NFATC2IP: variants seen among roughly 807,000 people sequenced by gnomAD.
NFATC2IP encodes nuclear factor of activated T cells 2 interacting protein, also known as NFATC2-interacting protein.
In NFATC2IP, 25 loss-of-function variants were observed where a neutral mutation model predicts 40.2. The observed-to-expected ratio is 0.62, with a 90% CI of 0.45 to 0.87. The LOEUF is 0.87. Among genes scored for constraint, NFATC2IP ranks in the 40% least tolerant of loss-of-function variants. The probability of loss-of-function intolerance (pLI) is 0.00; values close to 1 mark genes in which losing one functional copy is unlikely to be tolerated. For missense variants in NFATC2IP, 553 were observed against 555.6 expected, an observed-to-expected ratio of 1.00 and a Z score of 0.05; for synonymous variants, 241 against 236.3, an observed-to-expected ratio of 1.02 and a Z score of -0.18.
chr16:28,952,185 C>T lies in NFATC2IP; in HGVS notation c.441C>T (p.Tyr147=), dbSNP rs1451315553. 3 of 1,613,584 alleles carry T rather than the reference C, an allele frequency of 1.9e-6. No homozygotes were observed. ...IPDDLSLLKL[Y]PPGDEEEAEL... ...ATGATCTATCCCTCCTGAAACTCTACCCTCCAGGGGATGAGGAAGGTAAGG... is the reference window on the plus strand; with the variant it reads ...ATGATCTATCCCTCCTGAAACTCTATCCTCCAGGGGATGAGGAAGGTAAGG... The change falls in exon 2 of 8, where the codon TAC becomes TAT. Residue 147 remains tyrosine, a synonymous_variant. Coordinates refer to ENST00000320805, the MANE Select transcript of NFATC2IP (RefSeq NM_032815.4).
In NFATC2IP at chr16:28,954,622, C is replaced by T; in HGVS notation, c.518C>T (p.Ser173Phe). The T allele has an allele frequency of 1.2e-6, 2 of 1,614,030 alleles. No individual in the cohort carries two copies. Among genetic ancestry groups the T allele is most frequent in the South Asian group, 1.1e-5 (1 of 91,082 alleles). ...CATGAGGGCTCCCCATCACCAGGCT[C>T]TCCCTGGAAGACAAAGCTGAGGACT... is the stretch of plus-strand genomic sequence containing the variant. ...LYHEGSPSPG[S>F]PWKTKLRTKD... The change falls in exon 3 of 8, where the codon TCT becomes TTT. Residue 173 changes from serine (S) to phenylalanine (F), a missense_variant. By Grantham distance (155) the Ser-to-Phe change is radical. Coordinates refer to ENST00000320805, the MANE Select transcript of NFATC2IP (RefSeq NM_032815.4).
At position 28,959,097 on chromosome 16, in the gene NFATC2IP, T is replaced by C. The variant is rs1259062806; in HGVS notation, c.1098T>C (p.Ser366=). 6.3e-7 allele frequency: 1 copy of C among 1,592,940 alleles called. No individual in the cohort carries two copies. The highest frequency in any genetic ancestry group is 8.6e-7 in the Non-Finnish European group (1 of 1,160,834). Residue 366 remains serine (S), a synonymous_variant, in exon 7 of 8, where the codon TCT becomes TCC. Transcript: ENST00000320805. The part of the protein sequence containing the change: ...EKHQTLEVSL[S]RDSPLKTLMS... ...ACCAGACACTGGAAGTCTCACTGTC[T>C]CGAGTGAGTGGGAGAGATGGCTCTC...
In NFATC2IP at chr16:28,965,740, G is replaced by A. The variant is rs1965138599; in HGVS notation, c.*1877G>A. The A allele has an allele frequency of 6.6e-6, 1 of 151,886 alleles. No homozygotes were observed. The highest frequency in any genetic ancestry group is 2.4e-5 in the African/African-American group (1 of 41,380). The allele number at this position is 151,886 out of a possible 1,614,324, so 9.4% of individuals were successfully genotyped here. ...AATTGAAATTTTCTTTGTATCTAGG[G>A]GTATCCGTCACTGAACAGAAATTCT... On this transcript the variant is annotated 3_prime_UTR_variant, in exon 8 of 8. Coordinates refer to ENST00000320805, the MANE Select transcript of NFATC2IP (RefSeq NM_032815.4).
At chr16:28,958,089 T>C (rs1393507221) in intron 5 of NFATC2IP, among the ~76,000 whole-genome samples, 2 of 149,572 alleles carry the variant, frequency 1.3e-5, no homozygotes, top group African/African-American at 2.5e-5. Context: ...GCCAATATGG[T>C]GAAGCCCGCC....
intron 7 of NFATC2IP, among the ~76,000 whole-genome samples, chr16:28,963,028 A>G (rs1965104853): frequency 6.6e-6 from 1 of 152,200 alleles, no homozygotes; most frequent in African/African-American, 2.4e-5. Context: ...CAAAAATACA[A>G]AAACTTAGCT....
chr16:28,964,746 C>G lies in NFATC2IP; in HGVS notation c.*883C>G, dbSNP rs1041290822. 1 of 152,254 alleles carries G rather than the reference C, an allele frequency of 6.6e-6. No homozygotes were observed. The highest frequency in any genetic ancestry group is 2.4e-5 in the African/African-American group (1 of 41,452). 9.4% of individuals were successfully genotyped at this position (152,254 alleles called of 1,614,324 possible). ...CAATAGGTCTTATGCTGTTTTCACTCAATGTGTGCTAAGATCTAGCCCCAT... is the reference window on the plus strand; with the variant it reads ...CAATAGGTCTTATGCTGTTTTCACTGAATGTGTGCTAAGATCTAGCCCCAT... On this transcript the variant is annotated 3_prime_UTR_variant, in exon 8 of 8. Coordinates refer to ENST00000320805, the MANE Select transcript of NFATC2IP (RefSeq NM_032815.4).
chr16:28,963,337 A>G (rs8044999), intron 7 of NFATC2IP, among the ~76,000 whole-genome samples: 22,408 of 151,920 alleles, frequency 0.15, 3,987 homozygotes, highest in African/African-American at 0.4. Flanking sequence ...CTCCAGCTCG[A>G]CTCATCCTCA....
rs1216350854 is a variant in NFATC2IP, at chr16:28,966,516, T to C, written c.*2653T>C. On this transcript the variant is annotated 3_prime_UTR_variant, in exon 8 of 8. Transcript: ENST00000320805. ...TCTCATGCCTGTAATCCCAGAACTT[T>C]GGGAGGCTGAGGCAGGTGGATCACC... is the stretch of plus-strand genomic sequence containing the variant. The C allele has an allele frequency of 7.2e-6, 1 of 139,682 alleles. No individual in the cohort carries two copies. 8.7% of individuals were successfully genotyped at this position (139,682 alleles called of 1,614,324 possible). A position where few individuals can be genotyped will look rare whatever the true frequency, so the allele number is the denominator to read the frequency against.
chr16:28,964,137 C>G lies in NFATC2IP; in HGVS notation c.*274C>G. The G allele has an allele frequency of 4.8e-6, 2 of 414,028 alleles. No homozygotes were observed. Among genetic ancestry groups the G allele is most frequent in the South Asian group, 7.3e-5 (2 of 27,256 alleles). The allele number at this position is 414,028 out of a possible 1,614,324, so 25.6% of individuals were successfully genotyped here. A position where few individuals can be genotyped will look rare whatever the true frequency, so the allele number is the denominator to read the frequency against. On this transcript the variant is annotated 3_prime_UTR_variant, in exon 8 of 8. Coordinates refer to ENST00000320805, the MANE Select transcript of NFATC2IP (RefSeq NM_032815.4). ...TCTGTGACTTGGAGATGTCCCTTCA[C>G]CCCTCCCCTTTCACCACCATCCTCT...
In NFATC2IP at chr16:28,961,899, C is replaced by CAAAAAA. The variant is rs1161300546; in HGVS notation, c.1102-1787_1102-1782dup. Among the ~76,000 whole-genome samples, 10 of 49,142 alleles carry CAAAAAA rather than the reference C, an allele frequency of 2.0e-4. 1 individual carries two copies. The highest frequency in any genetic ancestry group is 2.9e-4 in the Non-Finnish European group (7 of 23,770). 32.2% of individuals were successfully genotyped at this position (49,142 alleles called of 152,430 possible). On this transcript the variant is annotated intron_variant, in intron 7 of 7. Transcript: ENST00000320805. ...TGGGCGACAGAGCTAGACTTCGTCT[C>CAAAAAA]AAAAAAAAAAAAAAAAAAAAAAAAG...
intron 2 of NFATC2IP, among the ~76,000 whole-genome samples, chr16:28,953,450 G>A (rs1380921146): frequency 2.0e-5 from 3 of 152,144 alleles, no homozygotes; most frequent in African/African-American, 7.2e-5. Flanking sequence ...CCATTTTGGT[G>A]CTGATTTTGG....
In NFATC2IP at chr16:28,951,100, G is replaced by T. The variant is rs1964960139; in HGVS notation, c.89G>T (p.Arg30Leu). ...CGGGGCGGCTGGGGCGGTCGGGGCC[G>T]GCGTCCTCGGGCCCAGCGGTCTCCA... ...GGRGGWGGRG[R>L]RPRAQRSPSR... The change falls in exon 1 of 8, where the codon CGG becomes CTG. Residue 30 changes from arginine (R) to leucine (L), a missense_variant. Transcript: ENST00000320805. The T allele has an allele frequency of 1.3e-6, 2 of 1,544,158 alleles. No homozygotes were observed.
At chr16:28,953,483 T>C (rs1427717344) in intron 2 of NFATC2IP, among the ~76,000 whole-genome samples, 1 of 152,192 alleles carries the variant, frequency 6.6e-6, no homozygotes, top group African/African-American at 2.4e-5. Flanking sequence ...AAAGGGAATA[T>C]AGAGAGAGCT....
chr16:28,952,617 A>G (rs1191849648), intron 2 of NFATC2IP: 1 of 200,530 alleles, frequency 5.0e-6, no homozygotes, highest in East Asian at 1.5e-4. Context: ...ATCTAGTCTA[A>G]TAAGGAAATA....
At chr16:28,961,899 CAAAAA>C (rs1161300546) in intron 7 of NFATC2IP, among the ~76,000 whole-genome samples, 4 of 49,124 alleles carry the variant, frequency 8.1e-5, no homozygotes, top group Non-Finnish European at 1.3e-4. Context: ...GACTTCGTCT[CAAAAA>C]AAAAAAAAAA....
Position 28,956,006 on chromosome 16 carries a change from C to T in NFATC2IP, c.607C>T (p.Pro203Ser). The change falls in exon 4 of 8, where the codon CCT becomes TCT. Residue 203 changes from proline (P) to serine (S), a missense_variant. Physicochemically the swap from Pro to Ser is moderately conservative, Grantham distance 74. Coordinates refer to ENST00000320805, the MANE Select transcript of NFATC2IP (RefSeq NM_032815.4). The part of the protein sequence containing the change: ...LDLDNSPLSP[P>S]SPRTKSRTHT... ...TCTGGACAACTCTCCTCTGTCCCCA[C>T]CTTCACCAAGGACCAAAAGCAGAAC... 1 of 1,614,134 alleles carries T rather than the reference C, an allele frequency of 6.2e-7. No individual in the cohort carries two copies. The highest frequency in any genetic ancestry group is 8.5e-7 in the Non-Finnish European group (1 of 1,180,018).
intron 1 of NFATC2IP, 63 bp from the exon 2 acceptor site, chr16:28,952,069 A>G (rs1186754982): frequency 6.2e-7 from 1 of 1,608,310 alleles, no homozygotes; most frequent in Non-Finnish European, 8.5e-7. Context: ...AATTACCCCC[A>G]ATTTTTTCTT....
In NFATC2IP at chr16:28,956,153, A is replaced by G; in HGVS notation, c.662A>G (p.Glu221Gly). The change falls in exon 5 of 8, where the codon GAG (glutamate) becomes GGG (glycine). Residue 221 changes from glutamate (E) to glycine (G), a missense_variant and splice_region_variant. By Grantham distance (98) the Glu-to-Gly change is moderately conservative (BLOSUM62 -2). Transcript: ENST00000320805. ...THTRALKKLS[E>G]VNKRLQDLRS... ...CCAGAGTCCTGTCTGCACTGCAGTG[A>G]GGTGAACAAGCGCCTCCAGGATCTC... 6.2e-7 allele frequency: 1 copy of G among 1,614,022 alleles called. No homozygotes were observed. Among genetic ancestry groups the G allele is most frequent in the Non-Finnish European group, 8.5e-7 (1 of 1,179,968 alleles).
chr16:28,959,907 A>G (rs1250972974), intron 7 of NFATC2IP, among the ~76,000 whole-genome samples: 1 of 152,190 alleles, frequency 6.6e-6, no homozygotes, highest in Non-Finnish European at 1.5e-5. Flanking sequence ...AACGAAATAC[A>G]CAAATTGGGT....
Sources: gnomAD v4.1 joint callset for allele counts (sites outside exome capture counted in the v4.1 genomes callset) on GRCh38, gnomAD v4.1.1 for gene constraint, MANE v1.5 for transcripts, NCBI Gene and HGNC (gene_info 2026-07-23, HGNC 2026-07-21) for gene names.